The following PRKCH variants were observed in gnomAD, a reference collection of about 807,000 sequenced individuals.
PRKCH encodes the protein protein kinase C eta type.
PRKCH carries 28 observed loss-of-function variants against 82.5 expected under a neutral mutation model. The ratio of observed to expected loss-of-function variants is 0.34; its 90% CI spans 0.25 to 0.47. The LOEUF (loss-of-function observed/expected upper bound fraction) is 0.47. Among genes scored for constraint, PRKCH ranks in the 20% least tolerant of loss-of-function variants. The pLI, the probability that PRKCH is intolerant of heterozygous loss-of-function variation, is 1.00. For missense variants in PRKCH, 705 were observed against 881.8 expected, an observed-to-expected ratio of 0.80 and a Z score of 2.54; for synonymous variants, 322 against 327.4, an observed-to-expected ratio of 0.98 and a Z score of 0.18.
At chr14:61,413,382 C>A (rs1039492253) in intron 2 of PRKCH, among the ~76,000 whole-genome samples, 11 of 144,486 alleles carry the variant, frequency 7.6e-5, no homozygotes, top group African/African-American at 2.8e-4. Context: ...TGATGACAAC[C>A]TTCATCATTT....
At chr14:61,310,033 C>CA (rs1473891226) in intron 1 of PRKCH, among the ~76,000 whole-genome samples, 1 of 142,914 alleles carries the variant, frequency 7.0e-6, no homozygotes, top group Non-Finnish European at 1.5e-5. Flanking sequence ...GAGGGAACCG[C>CA]CCCCCCTCCG....
At chr14:61,529,330 A>G in intron 11 of PRKCH, 117 bp downstream of exon 11, 1 of 1,280,688 alleles carries the variant, frequency 7.8e-7, no homozygotes. Flanking sequence ...AAAGGTGTCT[A>G]GAGCCGACAC....
chr14:61,386,330 A>T (rs1237923000), intron 1 of PRKCH, among the ~76,000 whole-genome samples: 2 of 152,242 alleles, frequency 1.3e-5, no homozygotes, highest in African/African-American at 4.8e-5. Flanking sequence ...TTAGGAAGCC[A>T]CATGGTCAGA....
intron 9 of PRKCH, among the ~76,000 whole-genome samples, chr14:61,461,397 G>A (rs1594732338): frequency 6.6e-6 from 1 of 152,202 alleles, no homozygotes; most frequent in African/African-American, 2.4e-5. Flanking sequence ...GTTGCCCGCC[G>A]GGGTTTCAAG....
intron 1 of PRKCH, among the ~76,000 whole-genome samples, chr14:61,374,620 T>G (rs182153500): frequency 6.6e-6 from 1 of 152,172 alleles, no homozygotes; most frequent in East Asian, 1.9e-4. Flanking sequence ...GCTTGAGGCT[T>G]GCACCCTCTG....
chr14:61,386,822 G>C (rs1004303891), intron 1 of PRKCH, among the ~76,000 whole-genome samples: 13 of 152,134 alleles, frequency 8.5e-5, no homozygotes, highest in Non-Finnish European at 1.5e-5. Flanking sequence ...AATTGTTGTC[G>C]AATATTTGAC....
chr14:61,219,536 AG>A (rs1257061610), intron 1 of PRKCH, among the ~76,000 whole-genome samples: 1 of 152,200 alleles, frequency 6.6e-6, no homozygotes, highest in East Asian at 1.9e-4. Flanking sequence ...TAGCCTCATG[AG>A]TAAGCTGGGT....
chr14:61,218,011 G>T (rs2044627150), intron 1 of PRKCH, among the ~76,000 whole-genome samples: 1 of 152,044 alleles, frequency 6.6e-6, no homozygotes, highest in African/African-American at 2.4e-5. Context: ...TTATGTTCAT[G>T]GTCAGTAGAC....
chr14:61,206,027 C>A (rs1373189791), intron 1 of PRKCH, among the ~76,000 whole-genome samples: 1 of 152,140 alleles, frequency 6.6e-6, no homozygotes, highest in Non-Finnish European at 1.5e-5. Context: ...AACAATGACA[C>A]CATGGAAAGG....
intron 1 of PRKCH, among the ~76,000 whole-genome samples, chr14:61,211,315 C>T (rs1041024322): frequency 1.3e-5 from 2 of 152,224 alleles, no homozygotes; most frequent in African/African-American, 4.8e-5. Flanking sequence ...CGCCAACCTT[C>T]GGAGCCTCAA....
At chr14:61,444,021 A>T (rs1884096907) in intron 3 of PRKCH, among the ~76,000 whole-genome samples, 1 of 152,172 alleles carries the variant, frequency 6.6e-6, no homozygotes, top group African/African-American at 2.4e-5. Flanking sequence ...GTCAACTTTA[A>T]TTATTTTGTT....
intron 10 of PRKCH, among the ~76,000 whole-genome samples, chr14:61,498,850 A>G (rs555586039): frequency 6.6e-6 from 1 of 152,274 alleles, no homozygotes; most frequent in African/African-American, 2.4e-5. Flanking sequence ...GCAGGACACA[A>G]AACATTCAGT....
chr14:61,449,704 C>T (rs1884394655), intron 5 of PRKCH, among the ~76,000 whole-genome samples: 1 of 152,154 alleles, frequency 6.6e-6, no homozygotes. Flanking sequence ...TTTCCTCAGT[C>T]TTAAAACAGG....
intron 2 of PRKCH, among the ~76,000 whole-genome samples, chr14:61,402,030 G>A (rs78812290): frequency 0.021 from 3,133 of 152,276 alleles, 75 homozygotes; most frequent in East Asian, 0.083. Flanking sequence ...AACATAATTC[G>A]AATTTTGGAA....
intron 9 of PRKCH, among the ~76,000 whole-genome samples, chr14:61,480,173 A>G (rs919687209): frequency 3.3e-5 from 5 of 152,232 alleles, no homozygotes; most frequent in Non-Finnish European, 7.3e-5. Context: ...AAATGGTTCT[A>G]TGCACAGGTT....
Position 61,335,403 on chromosome 14 carries a change from G to A in PRKCH, c.363+12939G>A, listed in dbSNP as rs115206355. Among the ~76,000 whole-genome samples the A allele has an allele frequency of 3.8e-3, 583 of 152,216 alleles. 3 individuals are homozygous for A. Among genetic ancestry groups the A allele is most frequent in the African/African-American group, 0.013 (534 of 41,508 alleles). On this transcript the variant is annotated intron_variant, in intron 1 of 13. Transcript: ENST00000332981. ...ATGGACTCATAAATATTAATGGAAAGTTTCAATAATTTAGATGGACAGGAT... is the reference window on the plus strand; with the variant it reads ...ATGGACTCATAAATATTAATGGAAAATTTCAATAATTTAGATGGACAGGAT...
intron 1 of PRKCH, among the ~76,000 whole-genome samples, chr14:61,270,892 T>G (rs1035791310): frequency 2.0e-5 from 3 of 152,196 alleles, no homozygotes; most frequent in African/African-American, 7.2e-5. Flanking sequence ...GAGGATCACT[T>G]GGGCCCAGGA....
At chr14:61,310,435 C>A (rs1207551809) in intron 1 of PRKCH, among the ~76,000 whole-genome samples, 1 of 152,212 alleles carries the variant, frequency 6.6e-6, no homozygotes, top group Non-Finnish European at 1.5e-5. Flanking sequence ...TCCCGCGGGG[C>A]AGTCATTAAA....
intron 1 of PRKCH, among the ~76,000 whole-genome samples, chr14:61,287,916 A>G (rs1566808001): frequency 6.6e-6 from 1 of 152,202 alleles, no homozygotes; most frequent in African/African-American, 2.4e-5. Context: ...TCTTCACCTC[A>G]GCGACCTCAG....
Sources: allele counts gnomAD v4.1 joint callset (sites outside exome capture counted in the v4.1 genomes callset), GRCh38; gene constraint gnomAD v4.1.1; transcripts MANE v1.5; gene names NCBI Gene and HGNC (gene_info 2026-07-23, HGNC 2026-07-21).